TMOD2: variants seen among roughly 807,000 people sequenced by gnomAD.
The protein encoded by TMOD2 is tropomodulin-2.
In TMOD2, 22 loss-of-function variants were observed where a neutral mutation model predicts 39.9. That is an observed-to-expected ratio of 0.55 (90% CI 0.39 to 0.79). The LOEUF (loss-of-function observed/expected upper bound fraction) is 0.79. TMOD2 is among the 30% of genes least tolerant of loss of function. The probability of loss-of-function intolerance (pLI) is 0.00; values close to 1 mark genes in which losing one functional copy is unlikely to be tolerated. For missense variants in TMOD2, 386 were observed against 413.3 expected (o/e 0.93, Z 0.57); for synonymous variants, 123 against 146.1 (o/e 0.84, Z 1.14).
At chr15:51,795,596 T>C (rs2056045132) in intron 7 of TMOD2, among the ~76,000 whole-genome samples, 1 of 108,860 alleles carries the variant, frequency 9.2e-6, no homozygotes, top group Non-Finnish European at 2.0e-5. Flanking sequence ...CTTTCTTTCT[T>C]TCTTTCTTTC....
At chr15:51,769,818 T>C (rs2055841229) in intron 3 of TMOD2, among the ~76,000 whole-genome samples, 1 of 152,156 alleles carries the variant, frequency 6.6e-6, no homozygotes, top group Admixed American at 6.5e-5. Flanking sequence ...GAGGATCACT[T>C]GAGCCAAGGA....
intron 1 of TMOD2, among the ~76,000 whole-genome samples, chr15:51,754,184 C>T (rs1383252930): frequency 6.6e-6 from 1 of 152,088 alleles, no homozygotes; most frequent in Non-Finnish European, 1.5e-5. Flanking sequence ...AAATTCTAGC[C>T]CTACCCAAGA....
chr15:51,777,147 C>T, intron 5 of TMOD2, 129 bp downstream of exon 5: 1 of 731,640 alleles, frequency 1.4e-6, no homozygotes, highest in South Asian at 1.6e-5. Flanking sequence ...GGGCTTTGAG[C>T]AATCAAACCA....
At chr15:51,782,957 T>A (rs2055941586) in intron 7 of TMOD2, 129 bp downstream of exon 7, 1 of 734,436 alleles carries the variant, frequency 1.4e-6, no homozygotes, top group Admixed American at 2.7e-5. Context: ...GTGAGCAAAA[T>A]TATAGTTACA....
chr15:51,767,630 C>A (rs867116729), intron 2 of TMOD2, among the ~76,000 whole-genome samples: 21 of 117,460 alleles, frequency 1.8e-4, no homozygotes, highest in African/African-American at 5.8e-4. Context: ...AAGTCAATTA[C>A]GGTTAAAAAA....
At chr15:51,776,013 G>A (rs1383134567) in intron 4 of TMOD2, among the ~76,000 whole-genome samples, 3 of 152,068 alleles carry the variant, frequency 2.0e-5, no homozygotes, top group African/African-American at 7.2e-5. Context: ...ACGGAGACTC[G>A]GGCATTTAAC....
intron 1 of TMOD2, among the ~76,000 whole-genome samples, chr15:51,761,186 A>C (rs2055778348): frequency 6.6e-6 from 1 of 152,174 alleles, no homozygotes; most frequent in Admixed American, 6.6e-5. Context: ...TTCAAGATGC[A>C]ATCAGAGTAG....
intron 1 of TMOD2, among the ~76,000 whole-genome samples, chr15:51,760,497 C>G (rs1428984469): frequency 6.6e-6 from 1 of 152,214 alleles, no homozygotes; most frequent in Non-Finnish European, 1.5e-5. Flanking sequence ...CCAAAATGGT[C>G]TTTCTATTTT....
At chr15:51,800,902 A>G (rs1049784074) in intron 8 of TMOD2, among the ~76,000 whole-genome samples, 1 of 152,170 alleles carries the variant, frequency 6.6e-6, no homozygotes, top group Non-Finnish European at 1.5e-5. Context: ...ACAGGGTCTC[A>G]CTATATTTCC....
chr15:51,804,253 A>G (rs973306536), intron 8 of TMOD2, among the ~76,000 whole-genome samples: 1 of 152,232 alleles, frequency 6.6e-6, no homozygotes, highest in Non-Finnish European at 1.5e-5. Context: ...CTGCAATGGG[A>G]TTTGGCATAG....
At chr15:51,790,759 G>T (rs2056005575) in intron 7 of TMOD2, among the ~76,000 whole-genome samples, 1 of 152,138 alleles carries the variant, frequency 6.6e-6, no homozygotes, top group Admixed American at 6.5e-5. Context: ...AAAACCACAT[G>T]ATTATCTCAA....
chr15:51,789,685 T>C (rs1474795169), intron 7 of TMOD2, among the ~76,000 whole-genome samples: 1 of 152,084 alleles, frequency 6.6e-6, no homozygotes, highest in Non-Finnish European at 1.5e-5. Flanking sequence ...GCAACCAAAT[T>C]AGAACTCAGG....
intron 7 of TMOD2, among the ~76,000 whole-genome samples, chr15:51,789,496 T>C (rs937391332): frequency 9.2e-5 from 14 of 152,334 alleles, no homozygotes; most frequent in African/African-American, 3.4e-4. Flanking sequence ...AACTCAGCTC[T>C]GGACCAAGTG....
At position 51,806,589 on chromosome 15, in the gene TMOD2, C is replaced by T. The variant is rs528867169; in HGVS notation, c.1021+68C>T. Reference sequence around the variant, plus strand: ...TGAGCATTCACTTCTCCACTTCAGACGCAGCATCTCACAGATACCATTCCA... The same window carrying T: ...TGAGCATTCACTTCTCCACTTCAGATGCAGCATCTCACAGATACCATTCCA... On this transcript the variant is annotated intron_variant, in intron 9 of 9. Transcript: ENST00000249700. 3.0e-5 allele frequency: 47 copies of T among 1,568,188 alleles called. No individual in the cohort carries two copies. In the East Asian group the frequency reaches 3.2e-4, roughly 11 times the overall value.
intron 7 of TMOD2, among the ~76,000 whole-genome samples, chr15:51,789,898 G>A (rs995694030): frequency 3.3e-5 from 5 of 152,204 alleles, no homozygotes; most frequent in Non-Finnish European, 5.9e-5. Flanking sequence ...ATGCTCACAA[G>A]AGAAAGCAGG....
chr15:51,796,688 T>C (rs2056053483), intron 7 of TMOD2, among the ~76,000 whole-genome samples: 1 of 152,246 alleles, frequency 6.6e-6, no homozygotes, highest in Admixed American at 6.5e-5. Flanking sequence ...AATAACAATA[T>C]GCTGTTATAG....
At chr15:51,802,150 GC>G (rs576603421) in intron 8 of TMOD2, among the ~76,000 whole-genome samples, 1 of 150,746 alleles carries the variant, frequency 6.6e-6, no homozygotes, top group Non-Finnish European at 1.5e-5. Flanking sequence ...TTTTTTATAT[GC>G]CCCCCAATTT....
At chr15:51,764,085 T>TAA (rs34484778) in intron 1 of TMOD2, among the ~76,000 whole-genome samples, 8 of 148,170 alleles carry the variant, frequency 5.4e-5, no homozygotes, top group African/African-American at 1.7e-4. Flanking sequence ...ATTAAAGATT[T>TAA]AAAAAAAAAA....
chr15:51,772,305 A>G (rs1461860123), intron 3 of TMOD2, among the ~76,000 whole-genome samples: 1 of 152,230 alleles, frequency 6.6e-6, no homozygotes, highest in African/African-American at 2.4e-5. Flanking sequence ...AAGTCAGAGC[A>G]GCTTCAAAAA....
Sources: allele counts gnomAD v4.1 joint callset (sites outside exome capture counted in the v4.1 genomes callset), GRCh38; gene constraint gnomAD v4.1.1; transcripts MANE v1.5; gene names NCBI Gene and HGNC (gene_info 2026-07-23, HGNC 2026-07-21).